The following MAST2 variants were observed in gnomAD, a reference collection of about 807,000 sequenced individuals.
MAST2 encodes the protein microtubule-associated serine/threonine-protein kinase 2.
MAST2 carries 70 observed loss-of-function variants against 147.4 expected under a neutral mutation model. That is an observed-to-expected ratio of 0.47 (90% CI 0.39 to 0.58). The LOEUF (loss-of-function observed/expected upper bound fraction) is 0.58. Ranked by LOEUF, MAST2 falls within the 20% of genes least tolerant of loss-of-function variation. MAST2 has a pLI of 0.00. For missense variants in MAST2, 2,080 were observed against 2,302.3 expected, an observed-to-expected ratio of 0.90 and a Z score of 1.98; for synonymous variants, 869 against 896.8, an observed-to-expected ratio of 0.97 and a Z score of 0.55.
intron 3 of MAST2, among the ~76,000 whole-genome samples, chr1:45,832,611 G>A (rs1644993248): frequency 6.6e-6 from 1 of 152,066 alleles, no homozygotes; most frequent in Admixed American, 6.6e-5. Context: ...TCTTTAAAGT[G>A]TTACCCTGAT....
At chr1:46,029,247 A>G in intron 18 of MAST2, 2 of 552,226 alleles carry the variant, frequency 3.6e-6, no homozygotes, top group Non-Finnish European at 6.4e-6. Flanking sequence ...GTATAAAAGC[A>G]GGGTGAGCTA....
intron 4 of MAST2, among the ~76,000 whole-genome samples, chr1:45,938,196 A>G (rs1656586335): frequency 6.6e-6 from 1 of 152,172 alleles, no homozygotes; most frequent in Non-Finnish European, 1.5e-5. Context: ...ATGGACATTT[A>G]TATTGTTTGC....
chr1:45,888,928 C>T (rs1162195677), intron 4 of MAST2, among the ~76,000 whole-genome samples: 17 of 151,896 alleles, frequency 1.1e-4, no homozygotes, highest in South Asian at 1.0e-3. Flanking sequence ...CCATCCGCCT[C>T]GGCCTCCCAA....
intron 17 of MAST2, among the ~76,000 whole-genome samples, chr1:46,028,479 G>C (rs1436887411): frequency 6.6e-6 from 1 of 152,226 alleles, no homozygotes; most frequent in Admixed American, 6.5e-5. Context: ...TTTGTTAGAG[G>C]CTGGAGTGCA....
In MAST2 at chr1:46,006,238, T is replaced by C. The variant is rs964939932; in HGVS notation, c.748-3T>C. ...TGCCACTTCTTAATGTTTTCCCCTC[T>C]AGTCATCATGCTCCTCACAGGAAAA... On this transcript the variant is annotated splice_polypyrimidine_tract_variant and splice_region_variant and intron_variant, in intron 7 of 28. Coordinates refer to ENST00000361297, the MANE Select transcript of MAST2 (RefSeq NM_015112.3). The C allele has an allele frequency of 1.2e-6, 2 of 1,611,802 alleles. No individual in the cohort carries two copies. Among genetic ancestry groups the C allele is most frequent in the Non-Finnish European group, 1.7e-6 (2 of 1,178,612 alleles).
At chr1:46,034,495 C>G in intron 28 of MAST2, 43 bp from the exon 29 acceptor site, 1 of 1,576,798 alleles carries the variant, frequency 6.3e-7, no homozygotes, top group Non-Finnish European at 8.7e-7. Flanking sequence ...ACAGCTAACA[C>G]TGCTCTGCTT....
intron 5 of MAST2, among the ~76,000 whole-genome samples, chr1:45,962,147 C>T (rs1477309584): frequency 6.6e-6 from 1 of 152,100 alleles, no homozygotes; most frequent in Non-Finnish European, 1.5e-5. Context: ...ATATGTGCCA[C>T]ATTTTCTTAA....
At chr1:45,931,217 T>C (rs2148712574) in intron 4 of MAST2, among the ~76,000 whole-genome samples, 1 of 152,338 alleles carries the variant, frequency 6.6e-6, no homozygotes, top group African/African-American at 2.4e-5. Context: ...AGTTTTGTAG[T>C]TATTTCCTCA....
chr1:45,874,298 C>T (rs1020368207), intron 3 of MAST2, among the ~76,000 whole-genome samples: 4 of 152,134 alleles, frequency 2.6e-5, no homozygotes, highest in Admixed American at 2.0e-4. Flanking sequence ...CGCCTATAAT[C>T]CCAGCGCTTT....
At chr1:46,010,647 T>G (rs1199135859) in intron 9 of MAST2, 83 bp from the exon 10 acceptor site, 124 of 1,189,322 alleles carry the variant, frequency 1.0e-4, no homozygotes, top group Non-Finnish European at 8.5e-6. Flanking sequence ...GCCCATTATT[T>G]TGCTATTTCC....
intron 3 of MAST2, among the ~76,000 whole-genome samples, chr1:45,871,378 T>C (rs1646387678): frequency 6.6e-6 from 1 of 152,170 alleles, no homozygotes; most frequent in Non-Finnish European, 1.5e-5. Context: ...TATTTGGCCA[T>C]GTAATCAAAC....
At chr1:45,861,296 G>A (rs749946409) in intron 3 of MAST2, among the ~76,000 whole-genome samples, 2 of 152,182 alleles carry the variant, frequency 1.3e-5, no homozygotes, top group African/African-American at 4.8e-5. Context: ...GCCACACAAC[G>A]GAGCAGATTG....
At chr1:46,025,869 T>C in intron 16 of MAST2, 54 bp downstream of exon 16, 1 of 1,610,158 alleles carries the variant, frequency 6.2e-7, no homozygotes, top group Non-Finnish European at 8.5e-7. Flanking sequence ...GGTCTCCAGA[T>C]AAAATGTTGG....
At chr1:45,888,078 A>G (rs990137522) in intron 4 of MAST2, among the ~76,000 whole-genome samples, 2 of 152,204 alleles carry the variant, frequency 1.3e-5, no homozygotes, top group African/African-American at 4.8e-5. Context: ...TGTTGAGAAT[A>G]GTTGTCATGC....
At chr1:45,946,433 A>T (rs764577283) in intron 4 of MAST2, among the ~76,000 whole-genome samples, 1 of 151,984 alleles carries the variant, frequency 6.6e-6, no homozygotes, top group Admixed American at 6.6e-5. Flanking sequence ...TATTTGGCCA[A>T]TTTCCTCCCT....
At chr1:45,894,100 C>G (rs929089355) in intron 4 of MAST2, among the ~76,000 whole-genome samples, 1 of 151,890 alleles carries the variant, frequency 6.6e-6, no homozygotes, top group Non-Finnish European at 1.5e-5. Context: ...CCTGTGGTCC[C>G]AGCTACTTGG....
At chr1:45,990,977 A>G (rs762899435) in intron 5 of MAST2, among the ~76,000 whole-genome samples, 40 of 152,050 alleles carry the variant, frequency 2.6e-4, no homozygotes, top group Non-Finnish European at 3.4e-4. Context: ...ATTTTGTCCT[A>G]TGTTATCATA....
intron 5 of MAST2, among the ~76,000 whole-genome samples, chr1:45,977,537 C>T (rs113003470): frequency 0.012 from 1,840 of 149,240 alleles, 18 homozygotes; most frequent in Non-Finnish European, 0.02. Flanking sequence ...CAGTGGCTCA[C>T]GCCTGTAATC....
intron 4 of MAST2, among the ~76,000 whole-genome samples, chr1:45,884,093 C>T (rs1038546228): frequency 6.6e-6 from 1 of 151,550 alleles, no homozygotes; most frequent in African/African-American, 2.4e-5. Flanking sequence ...TTATTTTATA[C>T]CAGAATAATT....
Sources: gnomAD v4.1 joint callset for allele counts (sites outside exome capture counted in the v4.1 genomes callset) on GRCh38, gnomAD v4.1.1 for gene constraint, MANE v1.5 for transcripts, NCBI Gene and HGNC (gene_info 2026-07-23, HGNC 2026-07-21) for gene names.